HMCN1: variants seen among roughly 807,000 people sequenced by gnomAD.
HMCN1 encodes the protein hemicentin-1.
Under a neutral mutation model 625.9 loss-of-function variants are expected in HMCN1, and 321 were observed. The observed-to-expected ratio is 0.51, with a 90% confidence interval of 0.47 to 0.56. The LOEUF (loss-of-function observed/expected upper bound fraction) is 0.56. HMCN1 is among the 20% of genes least tolerant of loss of function. The pLI is 0.00. For synonymous variants in HMCN1, 2,425 were observed against 2,417.6 expected (o/e 1.00, Z -0.09); for missense variants, 6,588 against 6,887.3 (o/e 0.96, Z 1.54).
intron 36 of HMCN1, 95 bp downstream of exon 36, chr1:186,023,248 CAG>C (rs1654836583): frequency 1.2e-5 from 13 of 1,085,038 alleles, no homozygotes; most frequent in Non-Finnish European, 1.4e-5. Context: ...ATAAAAGAAA[CAG>C]GTGTTTATTT....
chr1:186,019,301 C>T (rs1404840968), intron 34 of HMCN1, among the ~76,000 whole-genome samples: 1 of 151,890 alleles, frequency 6.6e-6, no homozygotes, highest in Non-Finnish European at 1.5e-5. Context: ...ATTACGGTAG[C>T]CATAAATACA....
chr1:186,109,253 G>A (rs185324338), intron 71 of HMCN1, among the ~76,000 whole-genome samples: 69 of 152,202 alleles, frequency 4.5e-4, no homozygotes, highest in African/African-American at 1.5e-3. Context: ...TTTGTTTCTA[G>A]TAGTTAATTA....
In HMCN1 at chr1:186,001,364, AT is replaced by A. The variant is rs764724268; in HGVS notation, c.4137del (p.Leu1380SerfsTer22). ...NVSVLLNQLT[N>X]LFCEVEGTPS... ...TCGGTGTTGTTAAATCAGCTGACCA[AT>A]CTCTTCTGTGAAGTGGAAGGCACTC... On this transcript the variant is annotated frameshift_variant, in exon 27 of 107. Coordinates refer to ENST00000271588, the MANE Select transcript of HMCN1 (RefSeq NM_031935.3). LOFTEE classifies it high-confidence loss of function. 6.2e-7 allele frequency: 1 copy of A among 1,611,950 alleles called. No individual in the cohort carries two copies. Among genetic ancestry groups the A allele is most frequent in the African/African-American group, 1.3e-5 (1 of 74,950 alleles).
intron 6 of HMCN1, among the ~76,000 whole-genome samples, chr1:185,914,385 A>G (rs1034379775): frequency 6.6e-6 from 1 of 152,068 alleles, no homozygotes; most frequent in African/African-American, 2.4e-5. Flanking sequence ...GGTCTGCTCT[A>G]TCACTGAAAT....
At chr1:186,159,301 A>T (rs1170786527) in intron 97 of HMCN1, among the ~76,000 whole-genome samples, 2 of 152,242 alleles carry the variant, frequency 1.3e-5, no homozygotes, top group Non-Finnish European at 2.9e-5. Context: ...GTTGCTTATC[A>T]GCTTAAGAAG....
chr1:186,049,872 G>T (rs1656831654), intron 42 of HMCN1, among the ~76,000 whole-genome samples: 1 of 151,840 alleles, frequency 6.6e-6, no homozygotes, highest in East Asian at 1.9e-4. Context: ...CTTCAGGCAG[G>T]TTATGAGAAA....
intron 16 of HMCN1, among the ~76,000 whole-genome samples, chr1:185,980,703 G>A (rs971891217): frequency 1.3e-5 from 2 of 152,144 alleles, no homozygotes; most frequent in South Asian, 2.1e-4. Context: ...TGGACTGCCC[G>A]TCCTCTATTC....
chr1:185,926,464 G>T, intron 9 of HMCN1, among the ~76,000 whole-genome samples: 1 of 152,142 alleles, frequency 6.6e-6, no homozygotes, highest in East Asian at 1.9e-4. Flanking sequence ...TACATAACTA[G>T]CTGGTGAAAT....
intron 1 of HMCN1, among the ~76,000 whole-genome samples, chr1:185,803,646 A>G (rs988473928): frequency 2.0e-5 from 3 of 152,146 alleles, no homozygotes; most frequent in Non-Finnish European, 2.9e-5. Flanking sequence ...CTGTTTAGGA[A>G]TAGGGAAGTG....
At chr1:186,081,102 T>G in intron 55 of HMCN1, 105 bp from the exon 56 acceptor site, 1 of 897,034 alleles carries the variant, frequency 1.1e-6, no homozygotes, top group Admixed American at 1.7e-5. Context: ...CTTCAAGTTT[T>G]GCTTCTCTAT....
intron 74 of HMCN1, 107 bp downstream of exon 74, chr1:186,115,053 T>G: frequency 6.6e-7 from 1 of 1,516,264 alleles, no homozygotes; most frequent in Non-Finnish European, 9.1e-7. Context: ...AGTTAAGCAA[T>G]TTACATTATG....
chr1:185,831,055 T>C (rs1167579230), intron 1 of HMCN1, among the ~76,000 whole-genome samples: 1 of 152,180 alleles, frequency 6.6e-6, no homozygotes, highest in Non-Finnish European at 1.5e-5. Context: ...AGGGAACAGG[T>C]AAATGATGTG....
Position 185,994,882 on chromosome 1 carries a change from AT to A in HMCN1, c.3574del (p.Cys1192ValfsTer10). ...AAGTTGGTCAAAGAGTGGATATTCC[AT>A]GTAATGCTCAAGGGACTCCTCTTCC... is the stretch of plus-strand genomic sequence containing the variant. Reference protein sequence around the residue: ...VQVGQRVDIPCNAQGTPLPVI... With the variant: ...VQVGQRVDIPXNAQGTPLPVI... On this transcript the variant is annotated frameshift_variant, in exon 24 of 107. Coordinates refer to ENST00000271588, the MANE Select transcript of HMCN1 (RefSeq NM_031935.3). LOFTEE classifies it high-confidence loss of function. 1 of 1,613,778 alleles carries A rather than the reference AT, an allele frequency of 6.2e-7. No individual in the cohort carries two copies.
At chr1:186,146,339 AAG>A (rs1287291306) in intron 93 of HMCN1, among the ~76,000 whole-genome samples, 3 of 152,228 alleles carry the variant, frequency 2.0e-5, no homozygotes, top group African/African-American at 7.2e-5. Context: ...GAGAAAGAAT[AAG>A]AGGAGTTCAG....
intron 86 of HMCN1, among the ~76,000 whole-genome samples, chr1:186,135,182 G>A (rs1649522687): frequency 6.6e-6 from 1 of 152,162 alleles, no homozygotes; most frequent in Admixed American, 6.5e-5. Flanking sequence ...CATTCTGCCA[G>A]CAGTTGCATG....
intron 80 of HMCN1, among the ~76,000 whole-genome samples, chr1:186,121,799 T>C (rs533551941): frequency 1.3e-5 from 2 of 152,218 alleles, no homozygotes; most frequent in South Asian, 4.1e-4. Context: ...AGAGAATGTG[T>C]ACAGAAAAGA....
intron 1 of HMCN1, among the ~76,000 whole-genome samples, chr1:185,771,294 C>T (rs1656225685): frequency 6.6e-6 from 1 of 152,160 alleles, no homozygotes; most frequent in Non-Finnish European, 1.5e-5. Context: ...CAGATAACCA[C>T]AGGTGCTGTT....
intron 73 of HMCN1, 38 bp from the exon 74 acceptor site, chr1:186,114,781 G>A (rs1296079044): frequency 1.2e-6 from 2 of 1,612,696 alleles, no homozygotes; most frequent in African/African-American, 1.3e-5. Context: ...ATCAAAAAAG[G>A]CTGATTCAGA....
intron 30 of HMCN1, among the ~76,000 whole-genome samples, chr1:186,009,812 G>A (rs1249262591): frequency 6.6e-6 from 1 of 152,084 alleles, no homozygotes; most frequent in Admixed American, 6.6e-5. Flanking sequence ...TAGTTCTGAG[G>A]CAAAGATTTG....
Sources: allele counts gnomAD v4.1 joint callset (sites outside exome capture counted in the v4.1 genomes callset), GRCh38; gene constraint gnomAD v4.1.1; transcripts MANE v1.5; gene names NCBI Gene and HGNC (gene_info 2026-07-23, HGNC 2026-07-21).